Variants in REC114 observed in about 807,000 individuals in gnomAD.
The protein encoded by REC114 is meiotic recombination protein REC114.
REC114 carries 27 observed loss-of-function variants against 31.3 expected under a neutral mutation model. That is an observed-to-expected ratio of 0.86 (90% CI 0.64 to 1.19). The LOEUF is 1.19. REC114 is among the 50% of genes most tolerant of loss of function. REC114 has a pLI of 0.00. For missense variants in REC114, 344 were observed against 326.9 expected (o/e 1.05, Z -0.40); for synonymous variants, 134 against 127.7 (o/e 1.05, Z -0.33).
At chr15:73,447,907 C>T (rs988308459) in intron 1 of REC114, among the ~76,000 whole-genome samples, 1 of 152,038 alleles carries the variant, frequency 6.6e-6, no homozygotes, top group African/African-American at 2.4e-5. Flanking sequence ...ATCTCCCTCC[C>T]CCAGCCAAGG....
At chr15:73,549,061 G>A (rs1164992883) in intron 3 of REC114, among the ~76,000 whole-genome samples, 2 of 151,974 alleles carry the variant, frequency 1.3e-5, no homozygotes, top group African/African-American at 4.8e-5. Flanking sequence ...GAAAAATAAC[G>A]AATGGGTACT....
At chr15:73,558,644 A>G (rs1461126152) in intron 5 of REC114, among the ~76,000 whole-genome samples, 1 of 152,268 alleles carries the variant, frequency 6.6e-6, no homozygotes, top group African/African-American at 2.4e-5. Context: ...ATTAAAAACA[A>G]AAAGAAAAAC....
intron 2 of REC114, among the ~76,000 whole-genome samples, chr15:73,531,235 C>A (rs1238263347): frequency 6.6e-6 from 1 of 152,162 alleles, no homozygotes; most frequent in African/African-American, 2.4e-5. Context: ...GCAGAGTCAA[C>A]AGCAAGGGAA....
intron 2 of REC114, among the ~76,000 whole-genome samples, chr15:73,532,086 A>G (rs1398013372): frequency 6.6e-6 from 1 of 150,382 alleles, no homozygotes; most frequent in Non-Finnish European, 1.5e-5. Context: ...TGCACCCACT[A>G]ACTCGTCATC....
At chr15:73,485,369 A>G (rs1055035306) in intron 2 of REC114, among the ~76,000 whole-genome samples, 2 of 152,166 alleles carry the variant, frequency 1.3e-5, no homozygotes, top group African/African-American at 4.8e-5. Context: ...GGTGTGAGCC[A>G]CCGTGCCCGG....
At chr15:73,516,493 A>G (rs1403888091) in intron 2 of REC114, among the ~76,000 whole-genome samples, 2 of 152,230 alleles carry the variant, frequency 1.3e-5, no homozygotes, top group East Asian at 3.9e-4. Context: ...TCCCAAGGAG[A>G]TAAGATTGCT....
chr15:73,459,544 G>A (rs1328036797), intron 1 of REC114, among the ~76,000 whole-genome samples: 3 of 152,078 alleles, frequency 2.0e-5, no homozygotes, highest in Admixed American at 1.3e-4. Context: ...AATTAAATAT[G>A]CTTCTAAATG....
intron 2 of REC114, among the ~76,000 whole-genome samples, chr15:73,510,101 A>G (rs938076829): frequency 6.6e-6 from 1 of 151,766 alleles, no homozygotes; most frequent in African/African-American, 2.4e-5. Flanking sequence ...ATTTGTTTGT[A>G]TCCTCTTTTA....
intron 2 of REC114, among the ~76,000 whole-genome samples, chr15:73,517,578 A>T (rs1893877062): frequency 6.6e-6 from 1 of 152,184 alleles, no homozygotes; most frequent in Non-Finnish European, 1.5e-5. Flanking sequence ...AACTCAACTG[A>T]AGGTAGCCTC....
intron 1 of REC114, among the ~76,000 whole-genome samples, chr15:73,458,212 A>G (rs1422306540): frequency 1.3e-5 from 2 of 152,204 alleles, no homozygotes. Flanking sequence ...GTATTTTCAT[A>G]AACCTTTTTC....
intron 3 of REC114, among the ~76,000 whole-genome samples, chr15:73,543,753 G>T (rs1175168534): frequency 6.6e-6 from 1 of 151,966 alleles, no homozygotes; most frequent in African/African-American, 2.4e-5. Flanking sequence ...CTAGGAAAGT[G>T]TTTTTATAAT....
At chr15:73,464,093 C>T in intron 1 of REC114, among the ~76,000 whole-genome samples, 1 of 151,726 alleles carries the variant, frequency 6.6e-6, no homozygotes, top group East Asian at 1.9e-4. Context: ...CTACTTTAGA[C>T]CCTCTCACTA....
At position 73,542,285 on chromosome 15, in the gene REC114, C is replaced by T. The variant is rs541175812; in HGVS notation, c.333+1717C>T. Reference sequence around the variant, plus strand: ...GGCAGAGGTTGCAGTGAGCCAAGATCGCACCACTACACTCCAGCATGGGCA... The same window carrying T: ...GGCAGAGGTTGCAGTGAGCCAAGATTGCACCACTACACTCCAGCATGGGCA... On this transcript the variant is annotated intron_variant, in intron 3 of 5. Coordinates refer to ENST00000331090, the MANE Select transcript of REC114 (RefSeq NM_001042367.2). 2.0e-5 allele frequency among the ~76,000 whole-genome samples: 3 copies of T among 149,120 alleles called. No individual in the cohort carries two copies. The South Asian group carries it at 6.4e-4, about 32-fold the overall frequency.
chr15:73,463,998 C>T (rs1372301688), intron 1 of REC114, among the ~76,000 whole-genome samples: 8 of 151,970 alleles, frequency 5.3e-5, no homozygotes, highest in Non-Finnish European at 1.2e-4. Context: ...TTTGTATCTT[C>T]AGTCTCACTT....
intron 2 of REC114, among the ~76,000 whole-genome samples, chr15:73,528,109 C>A (rs1050968691): frequency 2.6e-5 from 4 of 152,130 alleles, no homozygotes; most frequent in Non-Finnish European, 5.9e-5. Context: ...TAGAGAACCA[C>A]CTCATTATTT....
At chr15:73,498,190 C>G (rs1448911588) in intron 2 of REC114, among the ~76,000 whole-genome samples, 1 of 150,514 alleles carries the variant, frequency 6.6e-6, no homozygotes, top group Non-Finnish European at 1.5e-5. Flanking sequence ...CTTTGTGAGT[C>G]TTTTTAGATA....
At chr15:73,553,779 T>C (rs1221318844) in intron 4 of REC114, among the ~76,000 whole-genome samples, 1 of 152,204 alleles carries the variant, frequency 6.6e-6, no homozygotes, top group Non-Finnish European at 1.5e-5. Flanking sequence ...TAGGAAACTT[T>C]CATGCCTTTC....
At chr15:73,480,781 G>A (rs2141296741) in intron 2 of REC114, among the ~76,000 whole-genome samples, 1 of 152,226 alleles carries the variant, frequency 6.6e-6, no homozygotes, top group African/African-American at 2.4e-5. Flanking sequence ...GGGTTCAAGC[G>A]ATTCTCCTGC....
At chr15:73,484,398 C>CCTGGAG (rs1893338395) in intron 2 of REC114, among the ~76,000 whole-genome samples, 1 of 152,132 alleles carries the variant, frequency 6.6e-6, no homozygotes, top group African/African-American at 2.4e-5. Flanking sequence ...CTTCTTCTGT[C>CCTGGAG]CTGGAGCTGG....
Sources: allele counts gnomAD v4.1 joint callset (sites outside exome capture counted in the v4.1 genomes callset), GRCh38; gene constraint gnomAD v4.1.1; transcripts MANE v1.5; gene names NCBI Gene and HGNC (gene_info 2026-07-23, HGNC 2026-07-21).